Variants in ADD1 observed in about 807,000 individuals in gnomAD.
ADD1 encodes adducin 1.
ADD1 carries 24 observed loss-of-function variants against 80.5 expected under a neutral mutation model. That is an observed-to-expected ratio of 0.30 (90% CI 0.22 to 0.42). ADD1 has a LOEUF of 0.42. ADD1 is among the 10% of genes least tolerant of loss of function. The pLI is 1.00. For synonymous variants in ADD1, 373 were observed against 393.8 expected, an observed-to-expected ratio of 0.95 and a Z score of 0.63; for missense variants, 948 against 1,019.0, an observed-to-expected ratio of 0.93 and a Z score of 0.95.
chr4:2,878,225 A>G (rs1731673497), intron 2 of ADD1, among the ~76,000 whole-genome samples: 1 of 152,222 alleles, frequency 6.6e-6, no homozygotes, highest in African/African-American at 2.4e-5. Flanking sequence ...CGGTATTTTA[A>G]AGAAAATTAT....
chr4:2,923,743 G>C (rs1013051641), intron 14 of ADD1, among the ~76,000 whole-genome samples: 4 of 152,242 alleles, frequency 2.6e-5, no homozygotes, highest in African/African-American at 7.2e-5. Flanking sequence ...GTGCTATTGT[G>C]CGTACATCTC....
At chr4:2,864,375 C>T (rs887530117) in intron 1 of ADD1, among the ~76,000 whole-genome samples, 3 of 152,100 alleles carry the variant, frequency 2.0e-5, no homozygotes, top group Non-Finnish European at 4.4e-5. Context: ...ATCGTGCGTG[C>T]CATTGCTCCA....
intron 9 of ADD1, chr4:2,900,583 A>AGGGTGGCTTCAGGAG (rs1736010934): frequency 6.6e-6 from 1 of 152,320 alleles, no homozygotes; most frequent in Middle Eastern, 3.2e-3. Context: ...GGCTTCAGGA[A>AGGGTGGCTTCAGGAG]GCAGGGTGGC....
Position 2,928,755 on chromosome 4 carries a change from T to C in ADD1, c.*232T>C, listed in dbSNP as rs1712453721. 5.9e-6 allele frequency: 3 copies of C among 508,288 alleles called. No homozygotes were observed. Among genetic ancestry groups the C allele is most frequent in the African/African-American group, 4.3e-5 (2 of 46,796 alleles). The allele number at this position is 508,288 out of a possible 1,614,324, so 31.5% of individuals were successfully genotyped here. A position where few individuals can be genotyped will look rare whatever the true frequency, so the allele number is the denominator to read the frequency against. ...AGAGCCTCAGCTTCTGGGGGAGACA[T>C]GCTCTCCCCACAGGGGGGAGGCACT... On this transcript the variant is annotated 3_prime_UTR_variant, in exon 16 of 16. Coordinates refer to ENST00000683351, the MANE Select transcript of ADD1 (RefSeq NM_001354761.2).
In ADD1 at chr4:2,929,351, T is replaced by C. The variant is rs1164655900; in HGVS notation, c.*828T>C. Reference sequence around the variant, plus strand: ...TTCCAGACCCCACAGTAGAGCACTTTTCACTTATTTGGGGGAGGCTTCAGG... The same window carrying C: ...TTCCAGACCCCACAGTAGAGCACTTCTCACTTATTTGGGGGAGGCTTCAGG... On this transcript the variant is annotated 3_prime_UTR_variant, in exon 16 of 16. Coordinates refer to ENST00000683351, the MANE Select transcript of ADD1 (RefSeq NM_001354761.2). 4 of 152,226 alleles carry C rather than the reference T, an allele frequency of 2.6e-5. No homozygotes were observed. The highest frequency in any genetic ancestry group is 5.9e-5 in the Non-Finnish European group (4 of 68,068). 9.4% of individuals were successfully genotyped at this position (152,226 alleles called of 1,614,324 possible).
chr4:2,869,314 T>A (rs1182473155), intron 1 of ADD1, among the ~76,000 whole-genome samples: 1 of 152,180 alleles, frequency 6.6e-6, no homozygotes, highest in Non-Finnish European at 1.5e-5. Context: ...CCTAGCTCGG[T>A]AGTCGGCAGT....
At chr4:2,904,558 A>G (rs2285084) in intron 9 of ADD1, 123,459 of 593,932 alleles carry the variant, frequency 0.21, 15,039 homozygotes, top group East Asian at 0.51. Flanking sequence ...GTGGTTTACG[A>G]GGAGTAGGGT....
chr4:2,846,883 C>T (rs1291347856), intron 1 of ADD1, among the ~76,000 whole-genome samples: 2 of 150,786 alleles, frequency 1.3e-5, no homozygotes, highest in South Asian at 2.1e-4. Context: ...TTTGGGAGGC[C>T]GAGGCGGGCG....
intron 6 of ADD1, among the ~76,000 whole-genome samples, chr4:2,897,260 A>C (rs1483417381): frequency 6.6e-6 from 1 of 152,048 alleles, no homozygotes; most frequent in Non-Finnish European, 1.5e-5. Flanking sequence ...TGTCTTTAGA[A>C]GACCTTCAAA....
At chr4:2,914,261 C>G (rs1291514011) in intron 13 of ADD1, among the ~76,000 whole-genome samples, 1 of 152,208 alleles carries the variant, frequency 6.6e-6, no homozygotes, top group Admixed American at 6.5e-5. Flanking sequence ...TGTGAGCCGC[C>G]TTGGTGCTTC....
chr4:2,926,511 C>A lies in ADD1; in HGVS notation c.2047+399C>A. 1 of 960,410 alleles carries A rather than the reference C, an allele frequency of 1.0e-6. No individual in the cohort carries two copies. The highest frequency in any genetic ancestry group is 1.6e-6 in the Non-Finnish European group (1 of 619,204). 59.5% of individuals were successfully genotyped at this position (960,410 alleles called of 1,614,324 possible). On this transcript the variant is annotated intron_variant, in intron 15 of 15. Transcript: ENST00000683351. The surrounding 1 kb of genome is among the most constrained non-coding windows in gnomAD (Gnocchi z 5.0). Reference sequence around the variant, plus strand: ...TGTGTGATCCCGGGTGTCTGTCCCTCGGTCTCGTACATCCATGTCTCTCGT... The same window carrying A: ...TGTGTGATCCCGGGTGTCTGTCCCTAGGTCTCGTACATCCATGTCTCTCGT...
At chr4:2,853,150 C>T (rs1727570139) in intron 1 of ADD1, 1 of 150,478 alleles carries the variant, frequency 6.6e-6, no homozygotes, top group African/African-American at 2.4e-5. Context: ...ACTGTGTTGC[C>T]CAGGCTGGAG....
chr4:2,853,399 C>T lies in ADD1; in HGVS notation c.-21+9375C>T, dbSNP rs529316737. On this transcript the variant is annotated intron_variant, in intron 1 of 15. Coordinates refer to ENST00000683351, the MANE Select transcript of ADD1 (RefSeq NM_001354761.2). The stretch of plus-strand genomic sequence containing the variant: ...TGGGATTACAGGTGTGAGCCACCGG[C>T]GTCTTTTTCTAGTATAAGTGTTTAA... Among the ~76,000 whole-genome samples, 8 of 151,864 alleles carry T rather than the reference C, an allele frequency of 5.3e-5. No homozygotes were observed. In the South Asian group the frequency reaches 6.3e-4, roughly 12 times the overall value.
intron 6 of ADD1, among the ~76,000 whole-genome samples, chr4:2,896,006 G>A (rs1735146563): frequency 6.6e-6 from 1 of 151,688 alleles, no homozygotes; most frequent in Admixed American, 6.6e-5. Flanking sequence ...TCCTGCCTCA[G>A]CCTCCCAAGT....
At chr4:2,917,415 A>G (rs1739272193) in intron 14 of ADD1, among the ~76,000 whole-genome samples, 1 of 152,128 alleles carries the variant, frequency 6.6e-6, no homozygotes, top group African/African-American at 2.4e-5. Flanking sequence ...AGTTCCTTGT[A>G]GATCGTGGAT....
intron 4 of ADD1, among the ~76,000 whole-genome samples, chr4:2,885,857 G>A (rs12645803): frequency 0.2 from 30,086 of 151,748 alleles, 3,187 homozygotes; most frequent in East Asian, 0.48. Context: ...TGATCCGCCC[G>A]CCTTGGCCTC....
chr4:2,846,908 G>T (rs887780724), intron 1 of ADD1, among the ~76,000 whole-genome samples: 2 of 151,774 alleles, frequency 1.3e-5, no homozygotes, highest in African/African-American at 4.8e-5. Context: ...ATGAGGTCAG[G>T]AGATCGAGAC....
intron 1 of ADD1, chr4:2,855,015 A>G (rs536011201): frequency 3.0e-4 from 45 of 152,054 alleles, no homozygotes; most frequent in African/African-American, 1.0e-3. Flanking sequence ...CATCACTCCA[A>G]TCTTTGTGAC....
At chr4:2,898,052 A>G (rs946563299) in intron 6 of ADD1, 132 bp from the exon 7 acceptor site, 2 of 1,212,294 alleles carry the variant, frequency 1.6e-6, no homozygotes, top group Non-Finnish European at 2.3e-6. Flanking sequence ...TTAAGTTCAT[A>G]GATTGATTTT....
Sources: gnomAD v4.1 joint callset for allele counts (sites outside exome capture counted in the v4.1 genomes callset) on GRCh38, gnomAD v4.1.1 for gene constraint, Gnocchi (gnomAD v3.1) non-coding constraint, MANE v1.5 for transcripts, NCBI Gene and HGNC (gene_info 2026-07-23, HGNC 2026-07-21) for gene names.